ANKS1B: variants seen among roughly 807,000 people sequenced by gnomAD.
ANKS1B encodes ankyrin repeat and sterile alpha motif domain-containing protein 1B.
ANKS1B carries 36 observed loss-of-function variants against 148.3 expected under a neutral mutation model. That is an observed-to-expected ratio of 0.24 (90% CI 0.19 to 0.32). ANKS1B has a LOEUF of 0.32. Ranked by LOEUF, ANKS1B falls within the 10% of genes least tolerant of loss-of-function variation. The probability of loss-of-function intolerance (pLI) is 1.00; values close to 1 mark genes in which losing one functional copy is unlikely to be tolerated. For missense variants in ANKS1B, 1,157 were observed against 1,542.6 expected, an observed-to-expected ratio of 0.75 and a Z score of 4.19; for synonymous variants, 542 against 560.8, an observed-to-expected ratio of 0.97 and a Z score of 0.47.
intron 17 of ANKS1B, among the ~76,000 whole-genome samples, chr12:99,050,431 C>T (rs950144335): frequency 3.9e-5 from 6 of 152,122 alleles, no homozygotes; most frequent in Non-Finnish European, 7.4e-5. Flanking sequence ...ATCCTCACCA[C>T]CAAGAGTGTG....
chr12:98,987,230 G>C (rs1233488205), intron 17 of ANKS1B, among the ~76,000 whole-genome samples: 1 of 151,182 alleles, frequency 6.6e-6, no homozygotes, highest in Non-Finnish European at 1.5e-5. Flanking sequence ...AAGATAAGAA[G>C]TTTGAGCAAT....
intron 15 of ANKS1B, among the ~76,000 whole-genome samples, chr12:99,085,616 A>G (rs1392553936): frequency 6.6e-6 from 1 of 152,194 alleles, no homozygotes; most frequent in Non-Finnish European, 1.5e-5. Context: ...ATCAACCTAA[A>G]TGCCCATCAG....
intron 11 of ANKS1B, among the ~76,000 whole-genome samples, chr12:99,431,780 T>C (rs2095376296): frequency 6.6e-6 from 1 of 152,206 alleles, no homozygotes; most frequent in Non-Finnish European, 1.5e-5. Context: ...AATCCCTTGC[T>C]TATCCTATTC....
chr12:99,474,972 C>T (rs546883198), intron 10 of ANKS1B, among the ~76,000 whole-genome samples: 33 of 151,844 alleles, frequency 2.2e-4, no homozygotes, highest in Non-Finnish European at 2.2e-4. Flanking sequence ...TGGGGTGGCT[C>T]ATGCCTGTAA....
chr12:99,316,545 G>C (rs770769009), intron 12 of ANKS1B, among the ~76,000 whole-genome samples: 2 of 152,110 alleles, frequency 1.3e-5, no homozygotes, highest in Non-Finnish European at 2.9e-5. Context: ...AAATTTTTAA[G>C]TTCTTTGTAG....
At chr12:99,061,302 A>T (rs1455658704) in intron 16 of ANKS1B, among the ~76,000 whole-genome samples, 3 of 152,198 alleles carry the variant, frequency 2.0e-5, no homozygotes, top group Admixed American at 6.5e-5. Context: ...AAGCTGGAAC[A>T]TCAGTGACTG....
intron 12 of ANKS1B, among the ~76,000 whole-genome samples, chr12:99,273,245 A>G (rs1005099712): frequency 1.3e-5 from 2 of 152,164 alleles, no homozygotes; most frequent in Non-Finnish European, 2.9e-5. Flanking sequence ...TCTGTTCATA[A>G]AAGCTCAGGG....
At chr12:99,893,407 T>C (rs1218687519) in intron 1 of ANKS1B, among the ~76,000 whole-genome samples, 3 of 88,804 alleles carry the variant, frequency 3.4e-5, no homozygotes, top group Admixed American at 1.1e-4. Context: ...CGAGACTCCA[T>C]CTCAAAAAAA....
At chr12:99,283,093 T>G (rs1292916224) in intron 12 of ANKS1B, among the ~76,000 whole-genome samples, 6 of 152,200 alleles carry the variant, frequency 3.9e-5, no homozygotes, top group Non-Finnish European at 8.8e-5. Flanking sequence ...AATGCAAGTC[T>G]TCATTCTTAT....
chr12:99,984,232 C>T lies in ANKS1B; in HGVS notation c.6G>A (p.Gly2=), dbSNP rs199962831. ...CAGCTTCCAGCAGCTCCTGGTCCTT[C>T]CCCATAGTCTCTCACCGACTCCCCC... is the stretch of plus-strand genomic sequence containing the variant. M[G]KDQELLEAAR... The change falls in exon 1 of 27, where the codon GGG becomes GGA. Residue 2 remains glycine, a synonymous_variant. Transcript: ENST00000683438. 1.6e-3 allele frequency: 2,528 copies of T among 1,613,104 alleles called. 15 individuals are homozygous for T. The highest frequency in any genetic ancestry group is 7.2e-3 in the South Asian group (652 of 90,992).
At chr12:99,956,491 C>T (rs1328710664) in intron 1 of ANKS1B, among the ~76,000 whole-genome samples, 1 of 152,118 alleles carries the variant, frequency 6.6e-6, no homozygotes, top group Non-Finnish European at 1.5e-5. Context: ...ATTGGTTTAG[C>T]ATATATAACA....
In ANKS1B at chr12:99,944,817, G is replaced by T. The variant is rs114562276; in HGVS notation, c.134+39287C>A. Reference sequence around the variant, plus strand: ...CAGAGGAGGCAAGAGATGCCTTCTTGCTAGGGATTGCTAGGGAAAAACTGG... The same window carrying T: ...CAGAGGAGGCAAGAGATGCCTTCTTTCTAGGGATTGCTAGGGAAAAACTGG... On this transcript the variant is annotated intron_variant, in intron 1 of 26. Coordinates refer to ENST00000683438, the MANE Select transcript of ANKS1B (RefSeq NM_001352186.2). 3.4e-3 allele frequency among the ~76,000 whole-genome samples: 516 copies of T among 152,258 alleles called. 2 individuals are homozygous for T. Among genetic ancestry groups the T allele is most frequent in the African/African-American group, 0.012 (486 of 41,544 alleles).
Position 99,589,262 on chromosome 12 carries a change from C to T in ANKS1B, c.1272+65805G>A, listed in dbSNP as rs142457917. On this transcript the variant is annotated intron_variant, in intron 9 of 26. Transcript: ENST00000683438. ...TGAGCTCAAGTGCTTAAGGTCACCA[C>T]GTTACTACTTTGAGTCAAGATATGT... Among the ~76,000 whole-genome samples the T allele has an allele frequency of 8.9e-3, 1,353 of 152,308 alleles. 9 individuals carry two copies. Among genetic ancestry groups the T allele is most frequent in the Middle Eastern group, 0.031 (9 of 294 alleles).
chr12:99,068,915 T>A (rs1208750203), intron 16 of ANKS1B, among the ~76,000 whole-genome samples: 1 of 152,156 alleles, frequency 6.6e-6, no homozygotes, highest in Non-Finnish European at 1.5e-5. Context: ...CCAAAAAGCT[T>A]TCCCTGATCC....
Position 99,201,181 on chromosome 12 carries a change from G to A in ANKS1B, c.2419+43161C>T, listed in dbSNP as rs76423494. ...GAGGGCCTGATCACGCATGGTGTAG[G>A]AGGTCATCATAAGAATGTAGGATTT... On this transcript the variant is annotated intron_variant, in intron 14 of 26. Transcript: ENST00000683438. Among the ~76,000 whole-genome samples, 769 of 152,274 alleles carry A rather than the reference G, an allele frequency of 5.1e-3. 9 individuals carry two copies. Among genetic ancestry groups the A allele is most frequent in the African/African-American group, 0.018 (752 of 41,556 alleles).
chr12:99,287,159 G>T lies in ANKS1B; in HGVS notation c.1757-40295C>A, dbSNP rs57653543. On this transcript the variant is annotated intron_variant, in intron 12 of 26. Transcript: ENST00000683438. ...CAGTCCCAGTGATGGTGACCATAGG[G>T]GTGCTTGTGTCACCCCCTCTGACAG... Among the ~76,000 whole-genome samples, 534 of 152,270 alleles carry T rather than the reference G, an allele frequency of 3.5e-3. 19 individuals are homozygous for T. The East Asian group carries it at 0.066, about 19-fold the overall frequency.
intron 8 of ANKS1B, among the ~76,000 whole-genome samples, chr12:99,738,212 T>G (rs1357273392): frequency 6.6e-6 from 1 of 152,160 alleles, no homozygotes; most frequent in East Asian, 1.9e-4. Flanking sequence ...ACCATTTCAC[T>G]AAGATATTCA....
chr12:99,322,328 T>G (rs1486233161), intron 12 of ANKS1B, among the ~76,000 whole-genome samples: 1 of 149,980 alleles, frequency 6.7e-6, no homozygotes, highest in Non-Finnish European at 1.5e-5. Flanking sequence ...CACAGGGGGG[T>G]GAACAACACA....
chr12:99,429,044 A>G (rs753433752), intron 11 of ANKS1B, among the ~76,000 whole-genome samples: 3 of 152,220 alleles, frequency 2.0e-5, no homozygotes, highest in Non-Finnish European at 4.4e-5. Flanking sequence ...CTCTGCAAGT[A>G]TAAACAAATA....
Sources: gnomAD v4.1 joint callset for allele counts (sites outside exome capture counted in the v4.1 genomes callset) on GRCh38, gnomAD v4.1.1 for gene constraint, MANE v1.5 for transcripts, NCBI Gene and HGNC (gene_info 2026-07-23, HGNC 2026-07-21) for gene names.